Variants in KCNAB1 observed in about 807,000 individuals in gnomAD.
KCNAB1 encodes potassium voltage-gated channel subfamily A regulatory beta subunit 1, also known as voltage-gated potassium channel subunit beta-1.
Under a neutral mutation model 64.6 loss-of-function variants are expected in KCNAB1, and 35 were observed. That is an observed-to-expected ratio of 0.54 (90% CI 0.41 to 0.72). The LOEUF is 0.72. Among genes scored for constraint, KCNAB1 ranks in the 30% least tolerant of loss-of-function variants. The pLI, the probability that KCNAB1 is intolerant of heterozygous loss-of-function variation, is 0.00. For synonymous variants in KCNAB1, 177 were observed against 183.8 expected, an observed-to-expected ratio of 0.96 and a Z score of 0.30; for missense variants, 401 against 512.9, an observed-to-expected ratio of 0.78 and a Z score of 2.11.
Position 156,312,660 on chromosome 3 carries a change from G to T in KCNAB1, c.276-108956G>T, listed in dbSNP as rs981489975. On this transcript the variant is annotated intron_variant, in intron 1 of 13. Coordinates refer to ENST00000490337, the MANE Select transcript of KCNAB1 (RefSeq NM_172160.3). ...CTGGGAGGTGGAGGTTGCCAAGATA[G>T]CATTACTGCACTCCAGCCTAGGTGA... Among the ~76,000 whole-genome samples, 4 of 106,692 alleles carry T rather than the reference G, an allele frequency of 3.7e-5. No individual in the cohort carries two copies. The East Asian group carries it at 8.6e-4, about 23-fold the overall frequency. The allele number at this position is 106,692 out of a possible 152,430, so 70.0% of individuals were successfully genotyped here. A position where few individuals can be genotyped will look rare whatever the true frequency, so the allele number is the denominator to read the frequency against.
intron 2 of KCNAB1, among the ~76,000 whole-genome samples, chr3:156,442,241 A>G (rs578022545): frequency 1.3e-5 from 2 of 152,244 alleles, no homozygotes; most frequent in South Asian, 4.1e-4. Context: ...CTAGGGGTAG[A>G]TTTAGTGCAC....
intron 1 of KCNAB1, among the ~76,000 whole-genome samples, chr3:156,124,706 A>T (rs1217742590): frequency 6.6e-6 from 1 of 152,128 alleles, no homozygotes; most frequent in Non-Finnish European, 1.5e-5. Flanking sequence ...TGCCTATCTT[A>T]TTGCTTTCTC....
chr3:156,245,680 G>A (rs766881586), intron 1 of KCNAB1, among the ~76,000 whole-genome samples: 18 of 152,150 alleles, frequency 1.2e-4, no homozygotes, highest in East Asian at 7.7e-4. Flanking sequence ...GACTGGAAAC[G>A]TAACGAAAAG....
intron 3 of KCNAB1, 125 bp from the exon 4 acceptor site, chr3:156,457,328 A>G: frequency 6.6e-7 from 1 of 1,512,866 alleles, no homozygotes; most frequent in East Asian, 2.3e-5. Context: ...CTCCACTAAA[A>G]CTAAGAAAAA....
Position 156,216,415 on chromosome 3 carries a change from T to C in KCNAB1, c.275+95529T>C, listed in dbSNP as rs560053717. On this transcript the variant is annotated intron_variant, in intron 1 of 13. Coordinates refer to ENST00000490337, the MANE Select transcript of KCNAB1 (RefSeq NM_172160.3). Reference sequence around the variant, plus strand: ...CAGGCAACCTTGGGTGGTCCTGGGCTTGCAATTACATTCCGTCATTCTTCA... The same window carrying C: ...CAGGCAACCTTGGGTGGTCCTGGGCCTGCAATTACATTCCGTCATTCTTCA... Among the ~76,000 whole-genome samples, 12 of 152,348 alleles carry C rather than the reference T, an allele frequency of 7.9e-5. No individual in the cohort carries two copies. In the South Asian group the frequency reaches 2.5e-3, roughly 32 times the overall value.
At chr3:156,531,032 A>AT (rs1323571566) in intron 12 of KCNAB1, among the ~76,000 whole-genome samples, 2 of 152,218 alleles carry the variant, frequency 1.3e-5, no homozygotes, top group African/African-American at 2.4e-5. Flanking sequence ...ACCCAAATGC[A>AT]TTGAGTGTTA....
At chr3:156,209,577 A>G (rs1429864486) in intron 1 of KCNAB1, among the ~76,000 whole-genome samples, 1 of 152,228 alleles carries the variant, frequency 6.6e-6, no homozygotes, top group East Asian at 1.9e-4. Context: ...GACTGCATGC[A>G]TTTCAGTTCA....
chr3:156,199,460 T>C (rs1014100743), intron 1 of KCNAB1, among the ~76,000 whole-genome samples: 3 of 152,166 alleles, frequency 2.0e-5, no homozygotes, highest in Non-Finnish European at 2.9e-5. Flanking sequence ...CACCAGTCAA[T>C]TGTAGCTTTG....
intron 1 of KCNAB1, among the ~76,000 whole-genome samples, chr3:156,126,669 C>A (rs4680234): frequency 0.61 from 91,983 of 151,982 alleles, 28,242 homozygotes; most frequent in Admixed American, 0.73. Flanking sequence ...CCCTTGCCTG[C>A]GAGAAGCAGT....
chr3:156,296,257 G>A (rs781096024), intron 1 of KCNAB1, among the ~76,000 whole-genome samples: 7 of 151,948 alleles, frequency 4.6e-5, no homozygotes, highest in Admixed American at 2.0e-4. Flanking sequence ...TTTGGGTTTT[G>A]TTTTTTTAAA....
chr3:156,531,450 G>A lies in KCNAB1; in HGVS notation c.1123G>A (p.Gly375Arg), dbSNP rs758042346. 6.2e-7 allele frequency: 1 copy of A among 1,614,088 alleles called. No individual in the cohort carries two copies. The change falls in exon 13 of 14, where the codon GGA becomes AGA. Residue 375 changes from glycine to arginine, a missense_variant. Gly to Arg is a moderately radical substitution (Grantham distance 125). Coordinates refer to ENST00000490337, the MANE Select transcript of KCNAB1 (RefSeq NM_172160.3). ...TGAAGGTGTGAGTTCTGTGCTCCTG[G>A]GATCATCCACTCCTGAACAACTCAT... ...RNEGVSSVLL[G>R]SSTPEQLIEN...
At chr3:156,321,791 T>A (rs914263108) in intron 1 of KCNAB1, among the ~76,000 whole-genome samples, 5 of 152,222 alleles carry the variant, frequency 3.3e-5, no homozygotes, top group Admixed American at 3.3e-4. Flanking sequence ...TAGTTAAAAC[T>A]GTGTTTTAAA....
chr3:156,221,780 C>T (rs1343223578), intron 1 of KCNAB1, among the ~76,000 whole-genome samples: 1 of 147,576 alleles, frequency 6.8e-6, no homozygotes, highest in African/African-American at 2.5e-5. Context: ...CTCCATCCCC[C>T]CCCGCCAAAA....
intron 1 of KCNAB1, among the ~76,000 whole-genome samples, chr3:156,300,113 G>A (rs753053792): frequency 4.6e-5 from 7 of 152,166 alleles, no homozygotes; most frequent in Admixed American, 3.9e-4. Context: ...ACTTCCTTCT[G>A]ATACCTGGGG....
At chr3:156,177,702 C>T (rs764773372) in intron 1 of KCNAB1, among the ~76,000 whole-genome samples, 12 of 148,796 alleles carry the variant, frequency 8.1e-5, no homozygotes, top group Non-Finnish European at 1.8e-4. Flanking sequence ...GAGAATTTGT[C>T]AAAAGCCGTG....
upstream of KCNAB1, among the ~76,000 whole-genome samples, chr3:156,118,849 G>C (rs1713197545): frequency 6.6e-6 from 1 of 152,218 alleles, no homozygotes; most frequent in South Asian, 2.1e-4. Flanking sequence ...ACTTCGGGGA[G>C]TCTAGTTGCT....
At chr3:156,121,181 A>G (rs1713322975) in intron 1 of KCNAB1, among the ~76,000 whole-genome samples, 1 of 152,240 alleles carries the variant, frequency 6.6e-6, no homozygotes, top group South Asian at 2.1e-4. Flanking sequence ...AGAGGAGTTA[A>G]GAGATGGTAG....
intron 1 of KCNAB1, among the ~76,000 whole-genome samples, chr3:156,222,505 C>G (rs1324039334): frequency 6.6e-6 from 1 of 152,178 alleles, no homozygotes; most frequent in Non-Finnish European, 1.5e-5. Flanking sequence ...CCACTGACAG[C>G]ACTAGACAGG....
At chr3:156,246,707 A>G (rs1268317037) in intron 1 of KCNAB1, among the ~76,000 whole-genome samples, 2 of 149,360 alleles carry the variant, frequency 1.3e-5, no homozygotes, top group Non-Finnish European at 3.0e-5. Flanking sequence ...AAATGTATTT[A>G]GGTGAGAGAA....
Sources: gnomAD v4.1 joint callset for allele counts (sites outside exome capture counted in the v4.1 genomes callset) on GRCh38, gnomAD v4.1.1 for gene constraint, MANE v1.5 for transcripts, NCBI Gene and HGNC (gene_info 2026-07-23, HGNC 2026-07-21) for gene names.